Variants in RB1CC1 observed in about 807,000 individuals in gnomAD.
The protein encoded by RB1CC1 is RB1 inducible coiled-coil 1, also known as RB1-inducible coiled-coil protein 1.
A neutral mutation model predicts 177.5 loss-of-function variants in RB1CC1; 46 were observed. The ratio of observed to expected loss-of-function variants is 0.26; its 90% confidence interval spans 0.20 to 0.33. The LOEUF (loss-of-function observed/expected upper bound fraction) is 0.33, where lower values mean the gene tolerates loss of function less well. Among genes scored for constraint, RB1CC1 ranks in the 10% least tolerant of loss-of-function variants. The pLI, the probability that RB1CC1 is intolerant of heterozygous loss-of-function variation, is 1.00. For synonymous variants in RB1CC1, 666 were observed against 613.6 expected, an observed-to-expected ratio of 1.09 and a Z score of -1.26; for missense variants, 1,703 against 1,816.3, an observed-to-expected ratio of 0.94 and a Z score of 1.13.
chr8:52,646,724 G>A (rs925112155), intron 15 of RB1CC1, among the ~76,000 whole-genome samples: 5 of 152,184 alleles, frequency 3.3e-5, no homozygotes, highest in African/African-American at 1.2e-4. Flanking sequence ...TGCTAGAGAT[G>A]AGAATAGGAC....
At chr8:52,643,915 A>G (rs1387038231) in intron 16 of RB1CC1, among the ~76,000 whole-genome samples, 1 of 151,976 alleles carries the variant, frequency 6.6e-6, no homozygotes, top group Non-Finnish European at 1.5e-5. Context: ...AGCATTTTTA[A>G]TAAAATTTTA....
intron 15 of RB1CC1, among the ~76,000 whole-genome samples, chr8:52,646,813 A>C (rs1318649707): frequency 6.6e-6 from 1 of 152,150 alleles, no homozygotes; most frequent in African/African-American, 2.4e-5. Flanking sequence ...TCTAATTATA[A>C]CTTCTAAGTA....
intron 1 of RB1CC1, among the ~76,000 whole-genome samples, chr8:52,712,596 C>A (rs1265743604): frequency 6.6e-6 from 1 of 150,758 alleles, no homozygotes; most frequent in African/African-American, 2.4e-5. Flanking sequence ...CATAAATAAT[C>A]ATATCTTGAT....
At chr8:52,677,882 C>T (rs1591059836) in intron 5 of RB1CC1, among the ~76,000 whole-genome samples, 1 of 151,728 alleles carries the variant, frequency 6.6e-6, no homozygotes, top group Non-Finnish European at 1.5e-5. Context: ...CTTGAAATGA[C>T]GAGTAAAAGA....
At chr8:52,689,502 T>A (rs766263953) in intron 1 of RB1CC1, among the ~76,000 whole-genome samples, 3 of 152,222 alleles carry the variant, frequency 2.0e-5, no homozygotes, top group African/African-American at 7.2e-5. Flanking sequence ...GCTTTAAAAC[T>A]CAAGACGATT....
intron 5 of RB1CC1, among the ~76,000 whole-genome samples, chr8:52,680,545 G>A (rs1015647523): frequency 1.3e-5 from 2 of 152,158 alleles, no homozygotes; most frequent in Non-Finnish European, 2.9e-5. Context: ...ATTTAACACT[G>A]TCAAAGTATT....
At chr8:52,636,789 T>A (rs998597027) in intron 18 of RB1CC1, among the ~76,000 whole-genome samples, 3 of 152,178 alleles carry the variant, frequency 2.0e-5, no homozygotes, top group Non-Finnish European at 2.9e-5. Flanking sequence ...TCCAACTTCA[T>A]CCTTTTGCAT....
intron 5 of RB1CC1, among the ~76,000 whole-genome samples, chr8:52,683,226 A>C (rs1441815302): frequency 6.6e-6 from 1 of 152,178 alleles, no homozygotes; most frequent in Non-Finnish European, 1.5e-5. Context: ...AGAGCTATTT[A>C]AGTTCTCTTT....
In RB1CC1 at chr8:52,657,184, A is replaced by G. The variant is rs772299149; in HGVS notation, c.2645T>C (p.Ile882Thr). ...GTTTTCATTCTCTTCAGTTTCCTTT[A>G]TTAGTCCGTCAAGTTTACCTTCATA... ...NEYEGKLDGL[I>T]KETEENENKI... The change falls in exon 15 of 24, where the codon ATA becomes ACA. Residue 882 changes from isoleucine (I) to threonine (T), a missense_variant. By Grantham distance (89) the Ile-to-Thr change is moderately conservative. Coordinates refer to ENST00000025008, the MANE Select transcript of RB1CC1 (RefSeq NM_014781.5). 1 of 1,604,666 alleles carries G rather than the reference A, an allele frequency of 6.2e-7. No individual in the cohort carries two copies. Among genetic ancestry groups the G allele is most frequent in the East Asian group, 2.2e-5 (1 of 44,766 alleles).
intron 8 of RB1CC1, among the ~76,000 whole-genome samples, chr8:52,667,271 T>G (rs1437588010): frequency 1.3e-5 from 2 of 152,074 alleles, no homozygotes; most frequent in Non-Finnish European, 2.9e-5. Flanking sequence ...AACTATAACA[T>G]CAACGAAGTA....
chr8:52,640,719 T>C (rs1849503572), intron 18 of RB1CC1, among the ~76,000 whole-genome samples: 2 of 152,186 alleles, frequency 1.3e-5, no homozygotes, highest in African/African-American at 4.8e-5. Flanking sequence ...TTTATGTCAT[T>C]CATGTTTGCT....
chr8:52,659,235 T>C (rs1020917015), intron 12 of RB1CC1, among the ~76,000 whole-genome samples: 1 of 152,188 alleles, frequency 6.6e-6, no homozygotes, highest in Non-Finnish European at 1.5e-5. Context: ...CATCATTTTA[T>C]GGGAATTACA....
At chr8:52,662,243 C>T (rs1031273463) in intron 8 of RB1CC1, among the ~76,000 whole-genome samples, 1 of 152,066 alleles carries the variant, frequency 6.6e-6, no homozygotes. Flanking sequence ...ATTGCTAGGA[C>T]AATGACTGAA....
intron 19 of RB1CC1, 81 bp downstream of exon 19, chr8:52,635,934 T>C (rs1849108109): frequency 1.3e-6 from 2 of 1,503,080 alleles, no homozygotes; most frequent in South Asian, 2.4e-5. Context: ...AATAGTCTAT[T>C]GTATGTTTCC....
intron 5 of RB1CC1, among the ~76,000 whole-genome samples, chr8:52,678,247 T>C (rs1307408801): frequency 6.6e-6 from 1 of 152,028 alleles, no homozygotes; most frequent in Non-Finnish European, 1.5e-5. Context: ...GTGAAACCCA[T>C]CTCTACCAAA....
intron 15 of RB1CC1, among the ~76,000 whole-genome samples, chr8:52,648,178 A>G (rs2150432345): frequency 6.6e-6 from 1 of 152,186 alleles, no homozygotes; most frequent in South Asian, 2.1e-4. Flanking sequence ...CTAGATGATT[A>G]GCATAGGGTA....
chr8:52,690,132 A>T (rs1015469835), intron 1 of RB1CC1, among the ~76,000 whole-genome samples: 5 of 152,264 alleles, frequency 3.3e-5, no homozygotes, highest in African/African-American at 1.2e-4. Flanking sequence ...AGCTAGAGAT[A>T]AACAGGAATC....
intron 1 of RB1CC1, among the ~76,000 whole-genome samples, chr8:52,712,609 C>G (rs77982461): frequency 1.3e-5 from 2 of 151,456 alleles, no homozygotes; most frequent in Non-Finnish European, 2.9e-5. Flanking sequence ...ATCTTGATTA[C>G]CATAAAAAGT....
At chr8:52,649,806 T>C (rs1375286611) in intron 15 of RB1CC1, among the ~76,000 whole-genome samples, 3 of 152,340 alleles carry the variant, frequency 2.0e-5, no homozygotes, top group Non-Finnish European at 4.4e-5. Flanking sequence ...TCCACTCTTA[T>C]TTCTTTGTAC....
Sources: allele counts gnomAD v4.1 joint callset (sites outside exome capture counted in the v4.1 genomes callset), GRCh38; gene constraint gnomAD v4.1.1; transcripts MANE v1.5; gene names NCBI Gene and HGNC (gene_info 2026-07-23, HGNC 2026-07-21).